Variants in EXOC4 observed in about 807,000 individuals in gnomAD.
EXOC4 encodes the protein SEC8-like 1.
EXOC4 carries 71 observed loss-of-function variants against 107.2 expected under a neutral mutation model. That is an observed-to-expected ratio of 0.66 (90% CI 0.55 to 0.81). The LOEUF (loss-of-function observed/expected upper bound fraction) is 0.81, where lower values mean the gene tolerates loss of function less well. Ranked by LOEUF, EXOC4 falls within the 30% of genes least tolerant of loss-of-function variation. EXOC4 has a pLI of 0.00. For synonymous variants in EXOC4, 456 were observed against 441.2 expected (o/e 1.03, Z -0.42); for missense variants, 1,108 against 1,189.6 (o/e 0.93, Z 1.01).
intron 11 of EXOC4, among the ~76,000 whole-genome samples, chr7:133,857,756 G>A (rs1798448541): frequency 6.6e-6 from 1 of 152,106 alleles, no homozygotes; most frequent in Non-Finnish European, 1.5e-5. Flanking sequence ...TGAGGGGAAT[G>A]TGGTGACATC....
At chr7:133,479,987 A>C in intron 8 of EXOC4, 63 bp from the exon 9 acceptor site, 2 of 1,283,862 alleles carry the variant, frequency 1.6e-6, no homozygotes, top group Non-Finnish European at 2.3e-6. Context: ...TGTGGAATAC[A>C]GAGCTGGTCA....
At chr7:133,474,352 G>T (rs1263983818) in intron 7 of EXOC4, among the ~76,000 whole-genome samples, 4 of 152,064 alleles carry the variant, frequency 2.6e-5, no homozygotes, top group Admixed American at 6.6e-5. Context: ...GTCTCACCCT[G>T]TTGCCCAGGC....
At chr7:133,562,357 A>C (rs189805684) in intron 9 of EXOC4, among the ~76,000 whole-genome samples, 4 of 152,110 alleles carry the variant, frequency 2.6e-5, no homozygotes, top group Non-Finnish European at 4.4e-5. Context: ...TAGGGTTCTC[A>C]TGGTGTTGCT....
At chr7:133,581,962 C>T (rs993100620) in intron 9 of EXOC4, among the ~76,000 whole-genome samples, 1 of 151,980 alleles carries the variant, frequency 6.6e-6, no homozygotes, top group Non-Finnish European at 1.5e-5. Context: ...TTAAACAAAC[C>T]ATCAGGTCTC....
chr7:133,517,017 A>G (rs1799889631), intron 9 of EXOC4, among the ~76,000 whole-genome samples: 1 of 152,128 alleles, frequency 6.6e-6, no homozygotes, highest in South Asian at 2.1e-4. Flanking sequence ...ACCAAGGGAC[A>G]TAAGTATGCC....
chr7:134,096,190 A>G, the EXOC4 span, among the ~76,000 whole-genome samples: 5 of 152,230 alleles, frequency 3.3e-5, no homozygotes, highest in Non-Finnish European at 1.5e-5. Flanking sequence ...AATGTTCAAC[A>G]TCACTAATCA....
the EXOC4 span, among the ~76,000 whole-genome samples, chr7:134,085,731 C>T: frequency 3.9e-5 from 6 of 152,268 alleles, no homozygotes; most frequent in East Asian, 1.2e-3. Context: ...AAAACTTATC[C>T]CTAGGGTGTT....
intron 17 of EXOC4, among the ~76,000 whole-genome samples, chr7:134,059,227 C>G (rs1210111454): frequency 6.6e-6 from 1 of 152,130 alleles, no homozygotes; most frequent in African/African-American, 2.4e-5. Flanking sequence ...TATTTCTTCC[C>G]TCAATTTGCA....
intron 17 of EXOC4, among the ~76,000 whole-genome samples, chr7:134,059,096 A>T (rs1252906789): frequency 2.6e-5 from 4 of 152,210 alleles, no homozygotes; most frequent in African/African-American, 7.2e-5. Context: ...AGCTTTCCTC[A>T]GAGACCTTGG....
intron 9 of EXOC4, among the ~76,000 whole-genome samples, chr7:133,518,040 G>A (rs1799912628): frequency 6.6e-6 from 1 of 151,822 alleles, no homozygotes; most frequent in South Asian, 2.1e-4. Flanking sequence ...ATGCTTAGGG[G>A]CTGAGGTCTT....
At chr7:133,815,686 G>C (rs754915032) in intron 10 of EXOC4, among the ~76,000 whole-genome samples, 2 of 151,768 alleles carry the variant, frequency 1.3e-5, no homozygotes, top group Non-Finnish European at 2.9e-5. Context: ...GTTTTTTTAA[G>C]TGTGAAATTT....
chr7:133,539,614 T>C (rs568442825), intron 9 of EXOC4, among the ~76,000 whole-genome samples: 21 of 152,208 alleles, frequency 1.4e-4, no homozygotes, highest in Middle Eastern at 3.4e-3. Context: ...ATATATTCTC[T>C]CTAAAAGCTA....
intron 10 of EXOC4, among the ~76,000 whole-genome samples, chr7:133,786,823 C>T (rs1796578616): frequency 6.6e-6 from 1 of 152,188 alleles, no homozygotes; most frequent in Non-Finnish European, 1.5e-5. Context: ...ATGTTTCCTC[C>T]TAATCATCCA....
chr7:133,938,043 C>T lies in EXOC4; in HGVS notation c.2180C>T (p.Ala727Val). The T allele has an allele frequency of 1.2e-6, 2 of 1,614,154 alleles. No individual in the cohort carries two copies. Among genetic ancestry groups the T allele is most frequent in the Non-Finnish European group, 1.7e-6 (2 of 1,180,026 alleles). Residue 727 changes from alanine to valine, a missense_variant, in exon 14 of 18, where the codon GCT (alanine) becomes GTT (valine). Coordinates refer to ENST00000253861, the MANE Select transcript of EXOC4 (RefSeq NM_021807.4). ...TGGTTGGCAAGTCGAACAAAGTCAG[C>T]TTTCTCCAATCTTTCTACATCCCAG... ...LEWLASRTKSAFSNLSTSQML... is the reference protein window; with the variant it reads ...LEWLASRTKSVFSNLSTSQML...
chr7:134,007,705 A>G lies in EXOC4; in HGVS notation c.2557A>G (p.Ile853Val), dbSNP rs754925166. The change falls in exon 17 of 18, where the codon ATT becomes GTT. Residue 853 changes from isoleucine (I) to valine (V), a missense_variant. Transcript: ENST00000253861. The stretch of plus-strand genomic sequence containing the variant: ...GGGCCACCTGATCTCCTGCATCCTC[A>G]TTAATGGTGCCCAGTACTTCAGGCG... ...GLGHLISCIL[I>V]NGAQYFRRIS... The G allele has an allele frequency of 3.1e-6, 5 of 1,613,522 alleles. No homozygotes were observed. The highest frequency in any genetic ancestry group is 4.2e-6 in the Non-Finnish European group (5 of 1,179,684).
intron 11 of EXOC4, 116 bp from the exon 12 acceptor site, chr7:133,895,483 A>G (rs1245064473): frequency 9.5e-7 from 1 of 1,052,512 alleles, no homozygotes; most frequent in African/African-American, 1.8e-5. Context: ...TCAAAATGTC[A>G]CATTCTTGCA....
At chr7:133,895,575 CCT>C (rs1187250720) in intron 11 of EXOC4, 22 bp from the exon 12 acceptor site, 1 of 1,610,464 alleles carries the variant, frequency 6.2e-7, no homozygotes, top group African/African-American at 1.3e-5. Flanking sequence ...AATCTCATAT[CCT>C]CTCTTTGTTG....
chr7:133,970,992 A>G (rs1489874531), intron 14 of EXOC4, among the ~76,000 whole-genome samples: 7 of 150,650 alleles, frequency 4.6e-5, no homozygotes, highest in African/African-American at 1.7e-4. Context: ...TCAGTTAAAA[A>G]CCCCCAGAGA....
At chr7:133,645,086 C>CTTTTTTTTTTT (rs35058872) in intron 10 of EXOC4, among the ~76,000 whole-genome samples, 2 of 123,966 alleles carry the variant, frequency 1.6e-5, no homozygotes, top group African/African-American at 3.1e-5. Context: ...CTTCTGCCAC[C>CTTTTTTTTTTT]TTTTTTTTTT....
Sources: gnomAD v4.1 joint callset for allele counts (sites outside exome capture counted in the v4.1 genomes callset) on GRCh38, gnomAD v4.1.1 for gene constraint, MANE v1.5 for transcripts, NCBI Gene and HGNC (gene_info 2026-07-23, HGNC 2026-07-21) for gene names.